KPNA6: variants seen among roughly 807,000 people sequenced by gnomAD.
KPNA6 encodes importin subunit alpha-7.
A neutral mutation model predicts 72.0 loss-of-function variants in KPNA6; 9 were observed. That is an observed-to-expected ratio of 0.13 (90% CI 0.08 to 0.22). The LOEUF (loss-of-function observed/expected upper bound fraction) is 0.22. Ranked by LOEUF, KPNA6 falls within the 10% of genes least tolerant of loss-of-function variation. The probability of loss-of-function intolerance (pLI) is 1.00; values close to 1 mark genes in which losing one functional copy is unlikely to be tolerated. For missense variants in KPNA6, 374 were observed against 655.7 expected (o/e 0.57, Z 4.69); for synonymous variants, 219 against 242.1 (o/e 0.90, Z 0.89).
chr1:32,121,137 A>T lies in KPNA6; in HGVS notation c.4+13003A>T, dbSNP rs539165198. On this transcript the variant is annotated intron_variant, in intron 1 of 13. Transcript: ENST00000373625. ...AGTGATCTGCCTCCCTCGGCCTCCC[A>T]GAGTGATTACAAGCGTAAGCTACTG... Among the ~76,000 whole-genome samples the T allele has an allele frequency of 6.6e-5, 10 of 152,282 alleles. No individual in the cohort carries two copies. The East Asian group carries it at 1.5e-3, about 24-fold the overall frequency.
intron 11 of KPNA6, 110 bp downstream of exon 11, chr1:32,166,340 C>T: frequency 7.5e-7 from 1 of 1,340,270 alleles, no homozygotes; most frequent in Non-Finnish European, 1.0e-6. Context: ...AAATAGGAGT[C>T]AATTGGCCAG....
chr1:32,133,713 G>A (rs1372206477), intron 1 of KPNA6, among the ~76,000 whole-genome samples: 1 of 151,822 alleles, frequency 6.6e-6, no homozygotes, highest in Non-Finnish European at 1.5e-5. Flanking sequence ...AAAGCAAAGT[G>A]CTGAAAGAAA....
chr1:32,141,484 G>A (rs746022371), intron 1 of KPNA6, among the ~76,000 whole-genome samples: 9 of 132,290 alleles, frequency 6.8e-5, no homozygotes, highest in Non-Finnish European at 9.3e-5. Flanking sequence ...TGCAACCTCC[G>A]CCTCCCATGT....
At chr1:32,144,306 C>T (rs1039705053) in intron 1 of KPNA6, among the ~76,000 whole-genome samples, 3 of 152,038 alleles carry the variant, frequency 2.0e-5, no homozygotes, top group South Asian at 2.1e-4. Flanking sequence ...AGATGGTTAG[C>T]GCGATATTTC....
At chr1:32,136,426 G>A (rs1277617854) in intron 1 of KPNA6, among the ~76,000 whole-genome samples, 1 of 151,996 alleles carries the variant, frequency 6.6e-6, no homozygotes, top group Non-Finnish European at 1.5e-5. Flanking sequence ...TGTCCGCCTT[G>A]GACTCCCAAA....
intron 7 of KPNA6, among the ~76,000 whole-genome samples, chr1:32,161,395 G>A (rs943847830): frequency 6.6e-6 from 1 of 152,198 alleles, no homozygotes; most frequent in Non-Finnish European, 1.5e-5. Context: ...ACCCCGTGAA[G>A]CGTCATTGTA....
intron 3 of KPNA6, 41 bp downstream of exon 3, chr1:32,156,986 C>T (rs746096684): frequency 1.4e-6 from 2 of 1,453,694 alleles, no homozygotes; most frequent in East Asian, 2.3e-5. Context: ...CTGGAAAACA[C>T]CTGCTTCTAA....
Position 32,173,326 on chromosome 1 carries a change from C to T in KPNA6, c.*2432C>T, listed in dbSNP as rs1266579071. ...GTTTCTTAGTGTAAGACATACACAT[C>T]CTGCTTGTCCAGCTGTTCCTCCAAA... On this transcript the variant is annotated 3_prime_UTR_variant, in exon 14 of 14. Transcript: ENST00000373625. 2.6e-6 allele frequency: 1 copy of T among 383,378 alleles called. No individual in the cohort carries two copies. The highest frequency in any genetic ancestry group is 2.1e-5 in the African/African-American group (1 of 48,282). 23.7% of individuals were successfully genotyped at this position (383,378 alleles called of 1,614,324 possible).
At chr1:32,167,032 C>T (rs1557486119) in intron 11 of KPNA6, 137 bp from the exon 12 acceptor site, 1 of 1,064,060 alleles carries the variant, frequency 9.4e-7, no homozygotes, top group East Asian at 2.4e-5. Flanking sequence ...AGTAGCCTGT[C>T]ACCTATATAG....
At chr1:32,140,840 A>G (rs1388820945) in intron 1 of KPNA6, among the ~76,000 whole-genome samples, 1 of 152,346 alleles carries the variant, frequency 6.6e-6, no homozygotes, top group East Asian at 1.9e-4. Context: ...AATAACTAAT[A>G]GGTAGACCAG....
chr1:32,142,198 G>A (rs1356165934), intron 1 of KPNA6, among the ~76,000 whole-genome samples: 1 of 148,376 alleles, frequency 6.7e-6, no homozygotes, highest in Non-Finnish European at 1.5e-5. Context: ...AGAGGTTGCA[G>A]GGAGCTGAGA....
intron 1 of KPNA6, among the ~76,000 whole-genome samples, chr1:32,120,025 C>T (rs1038222402): frequency 2.6e-5 from 4 of 151,666 alleles, no homozygotes; most frequent in African/African-American, 9.7e-5. Flanking sequence ...TGTGAGCCAC[C>T]ACGCCCGGCC....
chr1:32,169,629 T>G (rs1318785282), intron 12 of KPNA6, among the ~76,000 whole-genome samples: 1 of 148,288 alleles, frequency 6.7e-6, no homozygotes, highest in Non-Finnish European at 1.5e-5. Context: ...TTTTTTTTTT[T>G]GTATTTTTTT....
rs1232441209 is a variant in KPNA6, at chr1:32,175,236, G to A, written c.*4342G>A. ...AAGCAGGCTGTGAGAGTTAGAAGAG[G>A]CAGTATTACATGTTAGGCCCAGAAC... On this transcript the variant is annotated 3_prime_UTR_variant, in exon 14 of 14. Transcript: ENST00000373625. The A allele has an allele frequency of 6.6e-6, 1 of 152,248 alleles. No individual in the cohort carries two copies. The highest frequency in any genetic ancestry group is 1.5e-5 in the Non-Finnish European group (1 of 68,062). 9.4% of individuals were successfully genotyped at this position (152,248 alleles called of 1,614,324 possible).
At chr1:32,167,891 T>G (rs1481089529) in intron 12 of KPNA6, among the ~76,000 whole-genome samples, 2 of 148,836 alleles carry the variant, frequency 1.3e-5, no homozygotes, top group Non-Finnish European at 3.0e-5. Context: ...AGCAAGCTGG[T>G]GTAGTGGCTC....
intron 1 of KPNA6, among the ~76,000 whole-genome samples, chr1:32,139,213 C>G (rs1641795130): frequency 6.6e-6 from 1 of 152,076 alleles, no homozygotes; most frequent in Non-Finnish European, 1.5e-5. Flanking sequence ...CTTTGTGGAA[C>G]TTAACATCCT....
intron 1 of KPNA6, among the ~76,000 whole-genome samples, chr1:32,120,028 G>T (rs1009006338): frequency 1.3e-5 from 2 of 151,622 alleles, no homozygotes; most frequent in Non-Finnish European, 2.9e-5. Flanking sequence ...GAGCCACCAC[G>T]CCCGGCCTGG....
At chr1:32,163,391 T>C in intron 10 of KPNA6, 78 bp downstream of exon 10, 1 of 1,025,136 alleles carries the variant, frequency 9.8e-7, no homozygotes, top group African/African-American at 1.6e-5. Flanking sequence ...CAAAAGCCTT[T>C]CCTGCAAAGG....
chr1:32,141,550 A>G (rs1641839285), intron 1 of KPNA6, among the ~76,000 whole-genome samples: 2 of 151,306 alleles, frequency 1.3e-5, no homozygotes, highest in Admixed American at 6.6e-5. Context: ...GGCACCCACC[A>G]TCATGCCTGG....
Sources: allele counts gnomAD v4.1 joint callset (sites outside exome capture counted in the v4.1 genomes callset), GRCh38; gene constraint gnomAD v4.1.1; transcripts MANE v1.5; gene names NCBI Gene and HGNC (gene_info 2026-07-23, HGNC 2026-07-21).